The following METTL24 variants were observed in gnomAD, a reference collection of about 807,000 sequenced individuals.
METTL24 encodes the protein methyltransferase like 24.
METTL24 carries 29 observed loss-of-function variants against 32.7 expected under a neutral mutation model. The ratio of observed to expected loss-of-function variants is 0.89; its 90% CI spans 0.66 to 1.21. The LOEUF (loss-of-function observed/expected upper bound fraction) is 1.21, where lower values mean the gene tolerates loss of function less well. METTL24 is among the 50% of genes most tolerant of loss of function. The pLI is 0.00. For synonymous variants in METTL24, 163 were observed against 179.5 expected, an observed-to-expected ratio of 0.91 and a Z score of 0.73; for missense variants, 439 against 468.1, an observed-to-expected ratio of 0.94 and a Z score of 0.57.
intron 1 of METTL24, among the ~76,000 whole-genome samples, chr6:110,328,163 T>C (rs551299184): frequency 8.3e-4 from 126 of 152,266 alleles, no homozygotes; most frequent in African/African-American, 3.0e-3. Context: ...CCCCTCTATT[T>C]CTAAACCACC....
chr6:110,246,082 T>C lies in METTL24; in HGVS notation c.965A>G (p.Lys322Arg), dbSNP rs777645446. 5.0e-6 allele frequency: 8 copies of C among 1,614,180 alleles called. No individual in the cohort carries two copies. In the Admixed American group the frequency reaches 1.3e-4, roughly 27 times the overall value. ...CCTGAAATCCTTTTGTTCTAACTCT[T>C]TGAGAAGGCTGTACCAGAACCGCAC... ...SVVRFWYSLLKELEQKDFRLF... is the reference protein window; with the variant it reads ...SVVRFWYSLLRELEQKDFRLF... The change falls in exon 5 of 5, where the codon AAA becomes AGA. Residue 322 changes from lysine (K) to arginine (R), a missense_variant. By Grantham distance (26) the Lys-to-Arg change is conservative. Coordinates refer to ENST00000338882, the MANE Select transcript of METTL24 (RefSeq NM_001123364.3).
chr6:110,330,145 G>A (rs1418419861), intron 1 of METTL24, among the ~76,000 whole-genome samples: 2 of 152,210 alleles, frequency 1.3e-5, no homozygotes, highest in Non-Finnish European at 2.9e-5. Context: ...GGATAGTAGA[G>A]GAAATCCTCA....
intron 4 of METTL24, among the ~76,000 whole-genome samples, chr6:110,280,891 G>T (rs1771125021): frequency 6.6e-6 from 1 of 152,068 alleles, no homozygotes; most frequent in Non-Finnish European, 1.5e-5. Context: ...GAGCTCAAGT[G>T]ATCTGCCCAC....
At chr6:110,326,771 T>C (rs1019075077) in intron 1 of METTL24, among the ~76,000 whole-genome samples, 1 of 152,202 alleles carries the variant, frequency 6.6e-6, no homozygotes, top group African/African-American at 2.4e-5. Flanking sequence ...CCAATCCTAT[T>C]ACATACTCCA....
intron 4 of METTL24, among the ~76,000 whole-genome samples, chr6:110,282,807 A>C (rs1439145918): frequency 2.0e-5 from 3 of 152,208 alleles, no homozygotes; most frequent in Non-Finnish European, 2.9e-5. Context: ...AAGTTTCTAA[A>C]GAAAGAGCTG....
In METTL24 at chr6:110,335,582, T is replaced by G. The variant is rs990902935; in HGVS notation, c.319-12710A>C. Among the ~76,000 whole-genome samples, 1,317 of 146,690 alleles carry G rather than the reference T, an allele frequency of 9.0e-3. 27 individuals are homozygous for G. Among genetic ancestry groups the G allele is most frequent in the Admixed American group, 0.068 (975 of 14,434 alleles). On this transcript the variant is annotated intron_variant, in intron 1 of 4. Coordinates refer to ENST00000338882, the MANE Select transcript of METTL24 (RefSeq NM_001123364.3). ...GGAATCATTGTTTTTTTTTTTTTTT[T>G]TTTTTTTTTTTTATGAAAAAAATGT...
At chr6:110,330,510 G>A (rs865835278) in intron 1 of METTL24, among the ~76,000 whole-genome samples, 1 of 152,184 alleles carries the variant, frequency 6.6e-6, no homozygotes, top group Non-Finnish European at 1.5e-5. Flanking sequence ...CCCCATTAAC[G>A]GATTTGTAAA....
intron 1 of METTL24, among the ~76,000 whole-genome samples, chr6:110,341,276 A>G (rs1016928620): frequency 1.3e-5 from 2 of 152,216 alleles, no homozygotes; most frequent in African/African-American, 4.8e-5. Flanking sequence ...ACAAATAAGA[A>G]CATTCCCTGT....
chr6:110,329,031 C>T (rs1219899863), intron 1 of METTL24, among the ~76,000 whole-genome samples: 1 of 152,178 alleles, frequency 6.6e-6, no homozygotes, highest in Non-Finnish European at 1.5e-5. Context: ...ATGCCCCATT[C>T]CTCTGTGTTT....
intron 1 of METTL24, among the ~76,000 whole-genome samples, chr6:110,351,614 A>G (rs1357845567): frequency 6.6e-6 from 1 of 152,256 alleles, no homozygotes; most frequent in African/African-American, 2.4e-5. Flanking sequence ...TAAAAATTAT[A>G]CCAAATACTT....
chr6:110,289,606 A>T (rs1049488694), intron 4 of METTL24, among the ~76,000 whole-genome samples: 3 of 152,212 alleles, frequency 2.0e-5, no homozygotes, highest in Non-Finnish European at 4.4e-5. Context: ...GAGTGAATGA[A>T]AAAGCAATGA....
chr6:110,311,440 ATTTTCTTTTC>A (rs143344489), intron 3 of METTL24, among the ~76,000 whole-genome samples: 1 of 109,878 alleles, frequency 9.1e-6, no homozygotes, highest in Non-Finnish European at 2.1e-5. Context: ...TACAAAGTTG[ATTTTCTTTTC>A]TTTTCTTTTC....
At chr6:110,275,536 C>G (rs979201426) in intron 4 of METTL24, among the ~76,000 whole-genome samples, 1 of 152,158 alleles carries the variant, frequency 6.6e-6, no homozygotes, top group Non-Finnish European at 1.5e-5. Flanking sequence ...TAAGCTACCT[C>G]TCTTCTGCTT....
chr6:110,317,872 C>T (rs1292029502), intron 2 of METTL24, among the ~76,000 whole-genome samples: 1 of 152,142 alleles, frequency 6.6e-6, no homozygotes, highest in Non-Finnish European at 1.5e-5. Context: ...ATCTTTGAGG[C>T]TGATACCTGA....
intron 3 of METTL24, among the ~76,000 whole-genome samples, chr6:110,305,464 C>T (rs1299394320): frequency 6.6e-6 from 1 of 151,722 alleles, no homozygotes; most frequent in Non-Finnish European, 1.5e-5. Context: ...CTACATGGAA[C>T]TTAAACAAAT....
At chr6:110,246,558 C>G (rs1584097943) in intron 4 of METTL24, among the ~76,000 whole-genome samples, 1 of 152,340 alleles carries the variant, frequency 6.6e-6, no homozygotes, top group East Asian at 1.9e-4. Context: ...GCTGGGACTA[C>G]AGGCGTGAGC....
At chr6:110,300,821 AT>A (rs1417106850) in intron 3 of METTL24, among the ~76,000 whole-genome samples, 17 of 152,370 alleles carry the variant, frequency 1.1e-4, no homozygotes, top group African/African-American at 3.8e-4. Flanking sequence ...AAATAAAAAA[AT>A]AATACAACAT....
chr6:110,314,365 T>G (rs930826992), intron 3 of METTL24, among the ~76,000 whole-genome samples: 2 of 152,192 alleles, frequency 1.3e-5, no homozygotes, highest in African/African-American at 4.8e-5. Flanking sequence ...ATATCATTCG[T>G]AAGTTCAGAA....
chr6:110,353,388 A>G (rs1379914121), intron 1 of METTL24, among the ~76,000 whole-genome samples: 5 of 149,874 alleles, frequency 3.3e-5, no homozygotes, highest in Non-Finnish European at 5.9e-5. Context: ...AAGAATAAGG[A>G]CTCTTAAGGC....
Sources: gnomAD v4.1 joint callset for allele counts (sites outside exome capture counted in the v4.1 genomes callset) on GRCh38, gnomAD v4.1.1 for gene constraint, MANE v1.5 for transcripts, NCBI Gene and HGNC (gene_info 2026-07-23, HGNC 2026-07-21) for gene names.